STX16: variants seen among roughly 807,000 people sequenced by gnomAD.
STX16 encodes syntaxin-16.
Under a neutral mutation model 42.7 loss-of-function variants are expected in STX16, and 28 were observed. The ratio of observed to expected loss-of-function variants is 0.66; its 90% CI spans 0.49 to 0.90. The LOEUF is 0.90. Among genes scored for constraint, STX16 ranks in the 40% least tolerant of loss-of-function variants. STX16 has a pLI of 0.00. For synonymous variants in STX16, 156 were observed against 155.2 expected, an observed-to-expected ratio of 1.00 and a Z score of -0.04; for missense variants, 361 against 420.9, an observed-to-expected ratio of 0.86 and a Z score of 1.24.
At chr20:58,652,555 A>C (rs1403639188) in intron 1 of STX16, among the ~76,000 whole-genome samples, 1 of 151,894 alleles carries the variant, frequency 6.6e-6, no homozygotes, top group Non-Finnish European at 1.5e-5. Context: ...GGGTCGCCGG[A>C]TCGTAGACCC....
chr20:58,662,400 T>TC (rs1455265259), intron 2 of STX16, among the ~76,000 whole-genome samples: 4 of 152,156 alleles, frequency 2.6e-5, no homozygotes, highest in Non-Finnish European at 5.9e-5. Context: ...TCCTTTTTCT[T>TC]CCCCTCAGAG....
intron 8 of STX16, 95 bp downstream of exon 8, chr20:58,673,806 C>A: frequency 1.1e-6 from 1 of 912,648 alleles, no homozygotes; most frequent in Non-Finnish European, 1.7e-6. Flanking sequence ...CGATCTTCAG[C>A]ATTCTTGTGT....
Position 58,668,083 on chromosome 20 carries a change from G to A in STX16, c.349G>A (p.Glu117Lys), listed in dbSNP as rs775289013. The change falls in exon 4 of 9, where the codon GAA (glutamate) becomes AAA (lysine). Residue 117 changes from glutamate (E) to lysine (K), a missense_variant. Coordinates refer to ENST00000371141, the MANE Select transcript of STX16 (RefSeq NM_001001433.3). ...CAGACCCACCCTGGATGACAGCAGC[G>A]AAGAGGAACATGCCATTGAGATAAC... is the stretch of plus-strand genomic sequence containing the variant. Reference protein sequence around the residue: ...LNRPTLDDSSEEEHAIEITTQ... With the variant: ...LNRPTLDDSSKEEHAIEITTQ... The A allele has an allele frequency of 1.5e-5, 25 of 1,614,246 alleles. No individual in the cohort carries two copies. The highest frequency in any genetic ancestry group is 1.6e-4 in the Middle Eastern group (1 of 6,062).
In STX16 at chr20:58,671,134, A is replaced by G. The variant is rs1347627901; in HGVS notation, c.649-20A>G. The G allele has an allele frequency of 6.2e-7, 1 of 1,608,712 alleles. No homozygotes were observed. The highest frequency in any genetic ancestry group is 8.5e-7 in the Non-Finnish European group (1 of 1,176,756). On this transcript the variant is annotated intron_variant, in intron 6 of 8. Coordinates refer to ENST00000371141, the MANE Select transcript of STX16 (RefSeq NM_001001433.3). ...AGAGGGAAAACAATCTATCCAACACATTGTGCACTGTCTTGCTAGGGTTTT... is the reference window on the plus strand; with the variant it reads ...AGAGGGAAAACAATCTATCCAACACGTTGTGCACTGTCTTGCTAGGGTTTT...
chr20:58,667,529 T>C lies in STX16; in HGVS notation c.184T>C (p.Leu62=). 6.2e-7 allele frequency: 1 copy of C among 1,614,194 alleles called. No individual in the cohort carries two copies. Among genetic ancestry groups the C allele is most frequent in the Non-Finnish European group, 8.5e-7 (1 of 1,180,036 alleles). The stretch of plus-strand genomic sequence containing the variant: ...TATGGCACTGGTGTCAGGCATCAGC[T>C]TAGATCCAGAAGCAGCGATTGGTGT... The part of the protein sequence containing the change: ...DRMALVSGIS[L]DPEAAIGVTK... The change falls in exon 3 of 9, where the codon TTA becomes CTA. Residue 62 remains leucine, a synonymous_variant. Transcript: ENST00000371141.
At chr20:58,660,463 C>T (rs760433509) in intron 2 of STX16, among the ~76,000 whole-genome samples, 1 of 152,068 alleles carries the variant, frequency 6.6e-6, no homozygotes, top group Non-Finnish European at 1.5e-5. Context: ...CCAGTGGGGT[C>T]CTAACTAGTA....
intron 1 of STX16, among the ~76,000 whole-genome samples, chr20:58,652,934 A>G (rs1159259376): frequency 6.6e-6 from 1 of 152,048 alleles, no homozygotes; most frequent in African/African-American, 2.4e-5. Flanking sequence ...GGTCCTGGAA[A>G]AATTACTGTT....
intron 2 of STX16, among the ~76,000 whole-genome samples, chr20:58,661,044 C>T (rs1038308797): frequency 1.3e-5 from 2 of 152,010 alleles, no homozygotes; most frequent in African/African-American, 2.4e-5. Context: ...GCCAGCTCCC[C>T]GCCTGGGCAC....
In STX16 at chr20:58,676,456, A is replaced by C; in HGVS notation, c.*165A>C. 1 of 619,856 alleles carries C rather than the reference A, an allele frequency of 1.6e-6. No individual in the cohort carries two copies. Among genetic ancestry groups the C allele is most frequent in the Non-Finnish European group, 2.9e-6 (1 of 346,590 alleles). The allele number at this position is 619,856 out of a possible 1,614,324, so 38.4% of individuals were successfully genotyped here. ...GACTCCTCCTTCCCTAGTCCTGCTC[A>C]AGCGGTCCGGGGAATGGGTTTTTGT... On this transcript the variant is annotated 3_prime_UTR_variant, in exon 9 of 9. Coordinates refer to ENST00000371141, the MANE Select transcript of STX16 (RefSeq NM_001001433.3).
At chr20:58,669,189 T>A in intron 4 of STX16, 102 bp from the exon 5 acceptor site, 1 of 1,260,636 alleles carries the variant, frequency 7.9e-7, no homozygotes, top group Non-Finnish European at 1.1e-6. Context: ...CCAGACTGAG[T>A]GAACAGAGCC....
chr20:58,655,459 G>A (rs2083565073), intron 1 of STX16, among the ~76,000 whole-genome samples: 2 of 152,134 alleles, frequency 1.3e-5, no homozygotes, highest in Non-Finnish European at 1.5e-5. Context: ...AAATAAACAG[G>A]AATTTAAGGA....
At chr20:58,652,935 A>G (rs1340309607) in intron 1 of STX16, among the ~76,000 whole-genome samples, 4 of 151,940 alleles carry the variant, frequency 2.6e-5, no homozygotes, top group Non-Finnish European at 4.4e-5. Context: ...GTCCTGGAAA[A>G]ATTACTGTTT....
chr20:58,655,034 C>T (rs1431143433), intron 1 of STX16, among the ~76,000 whole-genome samples: 1 of 152,070 alleles, frequency 6.6e-6, no homozygotes. Flanking sequence ...AAATACATGT[C>T]TAACACTCAG....
intron 2 of STX16, among the ~76,000 whole-genome samples, chr20:58,661,042 C>T (rs1230013969): frequency 1.3e-5 from 2 of 152,038 alleles, no homozygotes; most frequent in Non-Finnish European, 2.9e-5. Context: ...CTGCCAGCTC[C>T]CCGCCTGGGC....
chr20:58,666,667 G>C (rs2083840842), intron 2 of STX16, among the ~76,000 whole-genome samples: 1 of 152,140 alleles, frequency 6.6e-6, no homozygotes, highest in South Asian at 2.1e-4. Context: ...GACCTCAGAT[G>C]ATCTGCCCGC....
intron 7 of STX16, among the ~76,000 whole-genome samples, chr20:58,672,765 T>C (rs761034998): frequency 3.9e-5 from 6 of 152,200 alleles, no homozygotes; most frequent in Admixed American, 2.0e-4. Flanking sequence ...AGATTTCCCT[T>C]CTAATTTTGG....
In STX16 at chr20:58,651,933, GAGAA is replaced by G. The variant is rs1477546340; in HGVS notation, c.-67_-64del. On this transcript the variant is annotated 5_prime_UTR_variant, in exon 1 of 9. Transcript: ENST00000371141. ...TGAAAGGGTGGGCCAGCCGGGCCAC[GAGAA>G]AGAAAGTGAATAAATCAGGAATATA... is the stretch of plus-strand genomic sequence containing the variant. 2.0e-6 allele frequency: 3 copies of G among 1,528,688 alleles called. No homozygotes were observed. The highest frequency in any genetic ancestry group is 2.7e-6 in the Non-Finnish European group (3 of 1,111,830). The allele number at this position is 1,528,688 out of a possible 1,614,324, so 94.7% of individuals were successfully genotyped here. A position where few individuals can be genotyped will look rare whatever the true frequency, so the allele number is the denominator to read the frequency against.
At chr20:58,671,910 T>C (rs917446272) in intron 7 of STX16, among the ~76,000 whole-genome samples, 2 of 151,862 alleles carry the variant, frequency 1.3e-5, no homozygotes, top group African/African-American at 4.8e-5. Flanking sequence ...AATCAGAAAA[T>C]ATGAAGTTCA....
At position 58,657,554 on chromosome 20, in the gene STX16, A is replaced by T. The variant is rs16982208; in HGVS notation, c.133-2069A>T. Among the ~76,000 whole-genome samples, 12,203 of 152,202 alleles carry T rather than the reference A, an allele frequency of 0.08. 541 individuals carry two copies. Among genetic ancestry groups the T allele is most frequent in the African/African-American group, 0.096 (4,004 of 41,508 alleles). ...AAGTTCTTTAGACTATAAATTCCAC[A>T]TGCTACTTGGAGTTTTCAGTGTTTG... On this transcript the variant is annotated intron_variant, in intron 1 of 8. Transcript: ENST00000371141. This position sits in a 1 kb window ranked among gnomAD's most constrained non-coding sequence, Gnocchi z 4.2.
Sources: gnomAD v4.1 joint callset for allele counts (sites outside exome capture counted in the v4.1 genomes callset) on GRCh38, gnomAD v4.1.1 for gene constraint, Gnocchi (gnomAD v3.1) non-coding constraint, MANE v1.5 for transcripts, NCBI Gene and HGNC (gene_info 2026-07-23, HGNC 2026-07-21) for gene names.